Variants in NAV3 observed in about 807,000 individuals in gnomAD.
NAV3 encodes pore membrane and/or filament interacting like protein 1.
A neutral mutation model predicts 244.7 loss-of-function variants in NAV3; 87 were observed. The observed-to-expected ratio is 0.36, with a 90% CI of 0.30 to 0.42. The LOEUF (loss-of-function observed/expected upper bound fraction) is 0.42, where lower values mean the gene tolerates loss of function less well. Among genes scored for constraint, NAV3 ranks in the 20% least tolerant of loss-of-function variants. NAV3 has a pLI of 1.00. For synonymous variants in NAV3, 1,126 were observed against 1,042.2 expected, an observed-to-expected ratio of 1.08 and a Z score of -1.55; for missense variants, 2,663 against 2,893.3, an observed-to-expected ratio of 0.92 and a Z score of 1.83.
intron 9 of NAV3, among the ~76,000 whole-genome samples, chr12:78,026,447 C>G (rs1878068843): frequency 6.6e-6 from 1 of 152,174 alleles, no homozygotes; most frequent in Admixed American, 6.5e-5. Flanking sequence ...TAGAGTTATT[C>G]ATGGCTCCTT....
intron 2 of NAV3, among the ~76,000 whole-genome samples, chr12:77,601,032 T>C (rs1015198478): frequency 4.6e-5 from 7 of 152,022 alleles, no homozygotes; most frequent in Admixed American, 6.6e-5. Flanking sequence ...TCCTGAGCCT[T>C]TCTTGTACCA....
At chr12:78,080,386 A>C (rs535122312) in intron 12 of NAV3, among the ~76,000 whole-genome samples, 2 of 152,248 alleles carry the variant, frequency 1.3e-5, no homozygotes, top group South Asian at 2.1e-4. Context: ...AGTGAGCCTT[A>C]AATTAACTTT....
At chr12:77,638,856 C>T (rs1288801056) in intron 2 of NAV3, among the ~76,000 whole-genome samples, 5 of 152,068 alleles carry the variant, frequency 3.3e-5, no homozygotes, top group African/African-American at 1.2e-4. Flanking sequence ...AACTATTTGC[C>T]TTAAATGTGC....
intron 2 of NAV3, among the ~76,000 whole-genome samples, chr12:77,739,283 C>T (rs1427685914): frequency 6.6e-6 from 1 of 152,086 alleles, no homozygotes; most frequent in Non-Finnish European, 1.5e-5. Context: ...TCCTGATAAA[C>T]TGCAACATTA....
chr12:78,109,524 T>G (rs1954979231), intron 12 of NAV3, among the ~76,000 whole-genome samples: 1 of 151,828 alleles, frequency 6.6e-6, no homozygotes. Context: ...ATAACCATGA[T>G]GAACACAGAT....
At chr12:77,819,158 T>C (rs1008771984) in intron 2 of NAV3, among the ~76,000 whole-genome samples, 4 of 152,062 alleles carry the variant, frequency 2.6e-5, no homozygotes, top group African/African-American at 9.7e-5. Context: ...ACAGCTATTG[T>C]AGAAATTAGG....
intron 12 of NAV3, among the ~76,000 whole-genome samples, chr12:78,103,315 C>T (rs1954632063): frequency 6.6e-6 from 1 of 152,162 alleles, no homozygotes; most frequent in Non-Finnish European, 1.5e-5. Context: ...CGCCTTTGCT[C>T]CAGTTCTCAG....
intron 2 of NAV3, among the ~76,000 whole-genome samples, chr12:77,720,844 G>A (rs994554117): frequency 6.6e-6 from 1 of 152,084 alleles, no homozygotes; most frequent in East Asian, 1.9e-4. Flanking sequence ...TATTGTCCAT[G>A]GAGGGAAGGA....
chr12:78,145,575 A>G (rs1956832189), intron 20 of NAV3, among the ~76,000 whole-genome samples: 1 of 152,154 alleles, frequency 6.6e-6, no homozygotes, highest in South Asian at 2.1e-4. Flanking sequence ...CCCAAATGCA[A>G]TGGTGCACAT....
chr12:77,714,996 G>A (rs546570354), intron 2 of NAV3, among the ~76,000 whole-genome samples: 7 of 152,152 alleles, frequency 4.6e-5, no homozygotes, highest in Admixed American at 1.3e-4. Context: ...TTAGCTTAAA[G>A]TTAGGGTATT....
At chr12:77,774,275 A>G (rs1299211197) in intron 2 of NAV3, among the ~76,000 whole-genome samples, 9 of 152,186 alleles carry the variant, frequency 5.9e-5, no homozygotes, top group African/African-American at 1.7e-4. Context: ...AGTGCCTTCC[A>G]TTATTCAGTC....
chr12:77,833,119 C>A (rs1318179399), intron 1 of NAV3, among the ~76,000 whole-genome samples: 1 of 152,022 alleles, frequency 6.6e-6, no homozygotes, highest in African/African-American at 2.4e-5. Context: ...TTCCTCCTTC[C>A]CAATTCTTTT....
intron 2 of NAV3, among the ~76,000 whole-genome samples, chr12:77,690,754 G>A (rs1874969936): frequency 1.6e-3 from 1 of 644 alleles, no homozygotes. Context: ...TTTTATATAT[G>A]TATTTATTTA....
At chr12:77,807,252 T>A (rs937124503) in intron 2 of NAV3, among the ~76,000 whole-genome samples, 1 of 152,236 alleles carries the variant, frequency 6.6e-6, no homozygotes, top group Non-Finnish European at 1.5e-5. Flanking sequence ...AATTAGTTGA[T>A]GCAGTTTCTT....
At chr12:77,595,256 C>T (rs1870115517) in intron 2 of NAV3, among the ~76,000 whole-genome samples, 1 of 151,992 alleles carries the variant, frequency 6.6e-6, no homozygotes, top group African/African-American at 2.4e-5. Flanking sequence ...TTGGGACAAC[C>T]TGGATGAACA....
chr12:77,701,535 T>C (rs1875563168), intron 2 of NAV3, among the ~76,000 whole-genome samples: 1 of 152,002 alleles, frequency 6.6e-6, no homozygotes, highest in Non-Finnish European at 1.5e-5. Flanking sequence ...CTCTTCATTT[T>C]AAGCTGCTCA....
intron 3 of NAV3, among the ~76,000 whole-genome samples, chr12:77,961,887 T>C (rs942704264): frequency 6.6e-6 from 1 of 151,702 alleles, no homozygotes; most frequent in African/African-American, 2.4e-5. Flanking sequence ...GTGTGTATAA[T>C]GTTATGATAT....
chr12:77,966,843 A>G (rs1892566588), intron 4 of NAV3, among the ~76,000 whole-genome samples: 1 of 152,080 alleles, frequency 6.6e-6, no homozygotes, highest in South Asian at 2.1e-4. Flanking sequence ...TCATCACTAA[A>G]ATTGAAAGAG....
intron 12 of NAV3, among the ~76,000 whole-genome samples, chr12:78,107,474 A>C (rs1359191626): frequency 6.6e-6 from 1 of 152,198 alleles, no homozygotes; most frequent in African/African-American, 2.4e-5. Context: ...GTCAAAGATA[A>C]GGAATAAATT....
Sources: gnomAD v4.1 joint callset for allele counts (sites outside exome capture counted in the v4.1 genomes callset) on GRCh38, gnomAD v4.1.1 for gene constraint, MANE v1.5 for transcripts, NCBI Gene and HGNC (gene_info 2026-07-23, HGNC 2026-07-21) for gene names.